BRIP1: variants seen among roughly 807,000 people sequenced by gnomAD.
The protein encoded by BRIP1 is Fanconi anemia group J protein.
BRIP1 carries 88 observed loss-of-function variants against 119.7 expected under a neutral mutation model. The ratio of observed to expected loss-of-function variants is 0.74; its 90% CI spans 0.62 to 0.88. The LOEUF is 0.88. Ranked by LOEUF, BRIP1 falls within the 40% of genes least tolerant of loss-of-function variation. The pLI is 0.00. For missense variants in BRIP1, 1,259 were observed against 1,455.4 expected (o/e 0.87, Z 2.20); for synonymous variants, 443 against 496.5 (o/e 0.89, Z 1.43).
At chr17:61,850,549 C>G (rs550320938) in intron 4 of BRIP1, among the ~76,000 whole-genome samples, 66 of 152,222 alleles carry the variant, frequency 4.3e-4, no homozygotes, top group Admixed American at 6.5e-4. Flanking sequence ...AATTTGAGGC[C>G]GGCCCCAGTG....
In BRIP1 at chr17:61,856,175, C is replaced by T. The variant is rs1281260993; in HGVS notation, c.379+883G>A. On this transcript the variant is annotated intron_variant, in intron 4 of 19. Transcript: ENST00000259008. This position sits in a 1 kb window ranked among gnomAD's most constrained non-coding sequence, Gnocchi z 5.1. ...ACACTATTGGTCACCTATTTAATAACTGTTCCACTTCTCTTTCCTCATTCC... is the reference window on the plus strand; with the variant it reads ...ACACTATTGGTCACCTATTTAATAATTGTTCCACTTCTCTTTCCTCATTCC... Among the ~76,000 whole-genome samples the T allele has an allele frequency of 6.6e-6, 1 of 152,174 alleles. No individual in the cohort carries two copies. The highest frequency in any genetic ancestry group is 1.9e-4 in the East Asian group (1 of 5,200).
At position 61,701,379 on chromosome 17, in the gene BRIP1, A is replaced by G. The variant is rs2061611099; in HGVS notation, c.2493-7867T>C. On this transcript the variant is annotated intron_variant, in intron 17 of 19. Transcript: ENST00000259008. The surrounding 1 kb of genome is among the most constrained non-coding windows in gnomAD (Gnocchi z 5.1). ...TCATTGAAGACTGCTCGATTAACTT[A>G]GTAGTCAGCTAATAATTAGACAGAG... Among the ~76,000 whole-genome samples, 1 of 152,224 alleles carries G rather than the reference A, an allele frequency of 6.6e-6. No homozygotes were observed. The highest frequency in any genetic ancestry group is 1.5e-5 in the Non-Finnish European group (1 of 68,040).
In BRIP1 at chr17:61,794,130, G is replaced by C. The variant is rs1277701649; in HGVS notation, c.1341-401C>G. Among the ~76,000 whole-genome samples, 1 of 152,132 alleles carries C rather than the reference G, an allele frequency of 6.6e-6. No individual in the cohort carries two copies. Among genetic ancestry groups the C allele is most frequent in the African/African-American group, 2.4e-5 (1 of 41,498 alleles). On this transcript the variant is annotated intron_variant, in intron 9 of 19. Coordinates refer to ENST00000259008, the MANE Select transcript of BRIP1 (RefSeq NM_032043.3). This position sits in a 1 kb window ranked among gnomAD's most constrained non-coding sequence, Gnocchi z 4.3. Reference sequence around the variant, plus strand: ...ATTAACACAAAAAAGAGAATTACTAGAAAATATATAAATACATTCATTGAT... The same window carrying C: ...ATTAACACAAAAAAGAGAATTACTACAAAATATATAAATACATTCATTGAT...
rs371439974 is a variant in BRIP1 at position 61,729,148 on chromosome 17, G to A, written c.2380-13085C>T. 1.3e-5 allele frequency among the ~76,000 whole-genome samples: 2 copies of A among 151,898 alleles called. No individual in the cohort carries two copies. The highest frequency in any genetic ancestry group is 4.8e-5 in the African/African-American group (2 of 41,354). ...ATACAAATTAGCTGGGCGTGGTGGCGCATGCCTGTAATCCCAGCTACTCGG... is the reference window on the plus strand; with the variant it reads ...ATACAAATTAGCTGGGCGTGGTGGCACATGCCTGTAATCCCAGCTACTCGG... On this transcript the variant is annotated intron_variant, in intron 16 of 19. Coordinates refer to ENST00000259008, the MANE Select transcript of BRIP1 (RefSeq NM_032043.3). This position sits in a 1 kb window ranked among gnomAD's most constrained non-coding sequence, Gnocchi z 5.6.
At chr17:61,811,779 C>T (rs892725534) in intron 6 of BRIP1, among the ~76,000 whole-genome samples, 7 of 151,330 alleles carry the variant, frequency 4.6e-5, no homozygotes, top group Admixed American at 2.0e-4. Context: ...TGGTGAAACC[C>T]TGTCTCTACT....
chr17:61,791,677 G>C (rs2077819933), intron 10 of BRIP1, among the ~76,000 whole-genome samples: 1 of 151,866 alleles, frequency 6.6e-6, no homozygotes, highest in Admixed American at 6.6e-5. Flanking sequence ...AAAAAGTATA[G>C]TTTCATATTA....
intron 5 of BRIP1, among the ~76,000 whole-genome samples, chr17:61,847,736 C>A (rs967573229): frequency 6.6e-6 from 1 of 152,074 alleles, no homozygotes; most frequent in Non-Finnish European, 1.5e-5. Flanking sequence ...GATTAAATTT[C>A]TTTTATAAAT....
Position 61,703,342 on chromosome 17 carries a change from G to A in BRIP1, c.2493-9830C>T, listed in dbSNP as rs1027074493. ...ACCTCCCAGTGCTGAGATTATAGGC[G>A]TGAGCCACCACGCCCAGCCACATTG... On this transcript the variant is annotated intron_variant, in intron 17 of 19. Transcript: ENST00000259008. The surrounding 1 kb of genome is among the most constrained non-coding windows in gnomAD (Gnocchi z 5.0). Among the ~76,000 whole-genome samples, 4 of 152,268 alleles carry A rather than the reference G, an allele frequency of 2.6e-5. No individual in the cohort carries two copies. Among genetic ancestry groups the A allele is most frequent in the East Asian group, 1.9e-4 (1 of 5,172 alleles).
Position 61,753,437 on chromosome 17 carries a change from T to G in BRIP1, c.2098-8846A>C, listed in dbSNP as rs1567789076. ...CCAAATGGAAATGTTGATATGGCAG[T>G]TGGGTATATGGGCATAGTACTTAAG... is the stretch of plus-strand genomic sequence containing the variant. On this transcript the variant is annotated intron_variant, in intron 14 of 19. Transcript: ENST00000259008. The surrounding 1 kb of genome is among the most constrained non-coding windows in gnomAD (Gnocchi z 4.6). Among the ~76,000 whole-genome samples the G allele has an allele frequency of 6.6e-6, 1 of 152,148 alleles. No individual in the cohort carries two copies. The highest frequency in any genetic ancestry group is 2.4e-5 in the African/African-American group (1 of 41,434).
rs1216200596 is a variant in BRIP1, at chr17:61,860,528, C to T, written c.94-621G>A. ...TCCAAAAATTAGCTGGGCGTGGTGG[C>T]GCATCCCTGTAATCCCAGCTACTGG... On this transcript the variant is annotated intron_variant, in intron 2 of 19. Transcript: ENST00000259008. The surrounding 1 kb of genome is among the most constrained non-coding windows in gnomAD (Gnocchi z 4.1). Among the ~76,000 whole-genome samples the T allele has an allele frequency of 2.6e-5, 4 of 152,114 alleles. No individual in the cohort carries two copies. The highest frequency in any genetic ancestry group is 7.2e-5 in the African/African-American group (3 of 41,438).
chr17:61,715,577 G>C (rs188490472), intron 17 of BRIP1, among the ~76,000 whole-genome samples: 60 of 152,200 alleles, frequency 3.9e-4, no homozygotes, highest in Non-Finnish European at 1.0e-4. Context: ...TGACATTTTG[G>C]GGGAGGTGAG....
At position 61,828,696 on chromosome 17, in the gene BRIP1, T is replaced by C. The variant is rs2078445123; in HGVS notation, c.627+18405A>G. On this transcript the variant is annotated intron_variant, in intron 6 of 19. Transcript: ENST00000259008. This position sits in a 1 kb window ranked among gnomAD's most constrained non-coding sequence, Gnocchi z 4.1. The stretch of plus-strand genomic sequence containing the variant: ...CCTACAAAATGAAGGGCACCAGAAG[T>C]GAAAAACTGGAGGGTTAAGAAAGAA... 1.3e-5 allele frequency among the ~76,000 whole-genome samples: 2 copies of C among 152,024 alleles called. No homozygotes were observed. The highest frequency in any genetic ancestry group is 4.8e-5 in the African/African-American group (2 of 41,402).
Position 61,751,494 on chromosome 17 carries a change from G to A in BRIP1, c.2098-6903C>T, listed in dbSNP as rs1227677827. ...TTAAAAGGTAAATTTTATGTCATGT[G>A]TATTTTACCACAATTTTAAAAATTG... is the stretch of plus-strand genomic sequence containing the variant. On this transcript the variant is annotated intron_variant, in intron 14 of 19. Transcript: ENST00000259008. The surrounding 1 kb of genome is among the most constrained non-coding windows in gnomAD (Gnocchi z 6.7). Among the ~76,000 whole-genome samples the A allele has an allele frequency of 6.6e-6, 1 of 152,096 alleles. No individual in the cohort carries two copies. Among genetic ancestry groups the A allele is most frequent in the Non-Finnish European group, 1.5e-5 (1 of 68,018 alleles).
At position 61,744,429 on chromosome 17, in the gene BRIP1, T is replaced by C. The variant is rs2144694655; in HGVS notation, c.2257+3A>G. On this transcript the variant is annotated splice_donor_region_variant and intron_variant, in intron 15 of 19. Transcript: ENST00000259008. This position sits in a 1 kb window ranked among gnomAD's most constrained non-coding sequence, Gnocchi z 5.0. ...CACCGACCATGAAATAATTTCCAGTTACCTTTCTCTCCTTTGTATTTGATT... is the reference window on the plus strand; with the variant it reads ...CACCGACCATGAAATAATTTCCAGTCACCTTTCTCTCCTTTGTATTTGATT... 6.2e-7 allele frequency: 1 copy of C among 1,613,520 alleles called. No individual in the cohort carries two copies. The highest frequency in any genetic ancestry group is 8.5e-7 in the Non-Finnish European group (1 of 1,179,694).
At position 61,825,099 on chromosome 17, in the gene BRIP1, C is replaced by G. The variant is rs1010592699; in HGVS notation, c.628-16342G>C. On this transcript the variant is annotated intron_variant, in intron 6 of 19. Transcript: ENST00000259008. This position sits in a 1 kb window ranked among gnomAD's most constrained non-coding sequence, Gnocchi z 4.1. ...AGGAGATCGAGACCATCCTAGCTAA[C>G]ATGGTGAAATCCCGTCTCTACTAAA... Among the ~76,000 whole-genome samples the G allele has an allele frequency of 2.0e-5, 3 of 151,982 alleles. No individual in the cohort carries two copies. Among genetic ancestry groups the G allele is most frequent in the African/African-American group, 7.2e-5 (3 of 41,384 alleles).
rs1192395105 is a variant in BRIP1 at position 61,722,445 on chromosome 17, C to T, written c.2380-6382G>A. 6.6e-6 allele frequency among the ~76,000 whole-genome samples: 1 copy of T among 152,132 alleles called. No individual in the cohort carries two copies. Among genetic ancestry groups the T allele is most frequent in the Non-Finnish European group, 1.5e-5 (1 of 68,022 alleles). On this transcript the variant is annotated intron_variant, in intron 16 of 19. Transcript: ENST00000259008. This position sits in a 1 kb window ranked among gnomAD's most constrained non-coding sequence, Gnocchi z 4.6. ...CCTCCCTGGAAATTCAGCAATAAAGCACATGATAATTAAGACTATAAGAAA... is the reference window on the plus strand; with the variant it reads ...CCTCCCTGGAAATTCAGCAATAAAGTACATGATAATTAAGACTATAAGAAA...
rs2077789828 is a variant in BRIP1, at chr17:61,789,910, T to G, written c.1473+3687A>C. ...CATTTTTCTTTGTGCCATTCTGTAT[T>G]TTCCAGTTTTTTTCCCTTGACATAC... is the stretch of plus-strand genomic sequence containing the variant. On this transcript the variant is annotated intron_variant, in intron 10 of 19. Coordinates refer to ENST00000259008, the MANE Select transcript of BRIP1 (RefSeq NM_032043.3). This position sits in a 1 kb window ranked among gnomAD's most constrained non-coding sequence, Gnocchi z 4.8. 6.6e-6 allele frequency among the ~76,000 whole-genome samples: 1 copy of G among 152,196 alleles called. No homozygotes were observed. Among genetic ancestry groups the G allele is most frequent in the Non-Finnish European group, 1.5e-5 (1 of 68,028 alleles).
chr17:61,786,968 TTATATTTATAAATTTA>T (rs1378719556), intron 10 of BRIP1, among the ~76,000 whole-genome samples: 1 of 46,556 alleles, frequency 2.1e-5, no homozygotes, highest in African/African-American at 1.3e-4. Flanking sequence ...TATATTATAT[TTATATTTATAAATTTA>T]TATAAATTTA....
rs1316955157 is a variant in BRIP1 at position 61,834,613 on chromosome 17, T to C, written c.627+12488A>G. ...TACCCCTTGAGTCTGGATTTGGTCA[T>C]GTGATTTGCTTTTGGTGACTGGAAC... On this transcript the variant is annotated intron_variant, in intron 6 of 19. Transcript: ENST00000259008. The surrounding 1 kb of genome is among the most constrained non-coding windows in gnomAD (Gnocchi z 4.4). Among the ~76,000 whole-genome samples, 1 of 152,226 alleles carries C rather than the reference T, an allele frequency of 6.6e-6. No individual in the cohort carries two copies. Among genetic ancestry groups the C allele is most frequent in the Non-Finnish European group, 1.5e-5 (1 of 68,034 alleles).
Sources: allele counts gnomAD v4.1 joint callset (sites outside exome capture counted in the v4.1 genomes callset), GRCh38; gene constraint gnomAD v4.1.1; non-coding constraint Gnocchi (gnomAD v3.1); transcripts MANE v1.5; gene names NCBI Gene and HGNC (gene_info 2026-07-23, HGNC 2026-07-21).